LHFPL3: variants seen among roughly 807,000 people sequenced by gnomAD.
LHFPL3 encodes the protein LHFPL tetraspan subfamily member 3 protein.
LHFPL3 carries 5 observed loss-of-function variants against 19.3 expected under a neutral mutation model. That is an observed-to-expected ratio of 0.26 (90% CI 0.14 to 0.54). The LOEUF (loss-of-function observed/expected upper bound fraction) is 0.54, where lower values mean the gene tolerates loss of function less well. LHFPL3 is among the 20% of genes least tolerant of loss of function. The probability of loss-of-function intolerance (pLI) is 0.94; values close to 1 mark genes in which losing one functional copy is unlikely to be tolerated. For synonymous variants in LHFPL3, 133 were observed against 126.2 expected (o/e 1.05, Z -0.36); for missense variants, 249 against 307.4 (o/e 0.81, Z 1.42).
At chr7:104,722,462 T>C (rs961304338) in intron 1 of LHFPL3, among the ~76,000 whole-genome samples, 4 of 152,212 alleles carry the variant, frequency 2.6e-5, no homozygotes, top group African/African-American at 9.6e-5. Flanking sequence ...CCCATAAAAT[T>C]ACACTGTGTT....
At chr7:104,725,777 C>T (rs531101660) in intron 1 of LHFPL3, among the ~76,000 whole-genome samples, 75 of 152,150 alleles carry the variant, frequency 4.9e-4, no homozygotes, top group African/African-American at 1.7e-3. Flanking sequence ...CTCGGCAGGG[C>T]GCGGTGGCTT....
rs181071240 is a variant in LHFPL3, at chr7:104,403,187, G to A, written c.445+73963G>A. Among the ~76,000 whole-genome samples the A allele has an allele frequency of 5.6e-3, 849 of 152,244 alleles. 2 individuals are homozygous for A. Among genetic ancestry groups the A allele is most frequent in the African/African-American group, 0.02 (813 of 41,528 alleles). On this transcript the variant is annotated intron_variant, in intron 1 of 2. Coordinates refer to ENST00000424859, the MANE Select transcript of LHFPL3 (RefSeq NM_199000.3). The stretch of plus-strand genomic sequence containing the variant: ...TCACACATGTATCCCAGAACTTAAA[G>A]TATAATAAATAAATTTTAAAAAAGA...
intron 2 of LHFPL3, among the ~76,000 whole-genome samples, chr7:104,877,388 G>C (rs1231217229): frequency 6.6e-6 from 1 of 152,148 alleles, no homozygotes; most frequent in Non-Finnish European, 1.5e-5. Flanking sequence ...TCCAAAGTAT[G>C]TAAACAGCTT....
intron 1 of LHFPL3, among the ~76,000 whole-genome samples, chr7:104,444,273 C>T (rs1792283845): frequency 6.6e-6 from 1 of 152,196 alleles, no homozygotes; most frequent in South Asian, 2.1e-4. Context: ...GTGCACATCT[C>T]TGTAGAAAGC....
At chr7:104,526,829 T>A (rs1431746404) in intron 1 of LHFPL3, among the ~76,000 whole-genome samples, 1 of 152,160 alleles carries the variant, frequency 6.6e-6, no homozygotes, top group Admixed American at 6.6e-5. Flanking sequence ...GGGTACCTAT[T>A]AAATGAAAGA....
At chr7:104,874,644 G>A (rs999614101) in intron 2 of LHFPL3, among the ~76,000 whole-genome samples, 3 of 151,412 alleles carry the variant, frequency 2.0e-5, no homozygotes, top group African/African-American at 4.9e-5. Context: ...CCTGACCTCA[G>A]GTGATCTGCC....
chr7:104,343,846 T>A, intron 1 of LHFPL3, among the ~76,000 whole-genome samples: 1 of 152,120 alleles, frequency 6.6e-6, no homozygotes, highest in Non-Finnish European at 1.5e-5. Flanking sequence ...TTCTTGAGTC[T>A]TGAGTTTTGT....
intron 2 of LHFPL3, among the ~76,000 whole-genome samples, chr7:104,741,533 T>G (rs556830131): frequency 6.7e-6 from 1 of 148,438 alleles, no homozygotes; most frequent in East Asian, 2.0e-4. Context: ...CTAACTAACT[T>G]AATTTTTTTT....
At chr7:104,460,854 CT>C (rs2115569960) in intron 1 of LHFPL3, among the ~76,000 whole-genome samples, 1 of 152,218 alleles carries the variant, frequency 6.6e-6, no homozygotes, top group South Asian at 2.1e-4. Context: ...TAATTAGCTC[CT>C]GTTTGTCAAT....
chr7:104,670,000 A>C (rs1562962162), intron 1 of LHFPL3, among the ~76,000 whole-genome samples: 1 of 152,208 alleles, frequency 6.6e-6, no homozygotes, highest in Non-Finnish European at 1.5e-5. Flanking sequence ...GGCATATATG[A>C]ATTCTCAAAC....
rs1265671285 is a variant in LHFPL3 at position 104,822,523 on chromosome 7, C to T, written c.683-83664C>T. On this transcript the variant is annotated intron_variant, in intron 2 of 2. Coordinates refer to ENST00000424859, the MANE Select transcript of LHFPL3 (RefSeq NM_199000.3). ...GATGTTTGCCAACAGTCCTGGCCTC[C>T]CCCTACTAGAAGCCAGTAGCACCAC... Among the ~76,000 whole-genome samples the T allele has an allele frequency of 4.6e-5, 7 of 152,128 alleles. No homozygotes were observed. In the East Asian group the frequency reaches 1.2e-3, roughly 25 times the overall value.
At chr7:104,773,014 T>A (rs912000554) in intron 2 of LHFPL3, among the ~76,000 whole-genome samples, 8 of 152,248 alleles carry the variant, frequency 5.3e-5, no homozygotes, top group African/African-American at 7.2e-5. Flanking sequence ...TTTTAACCTA[T>A]TTATTAAAAT....
intron 1 of LHFPL3, among the ~76,000 whole-genome samples, chr7:104,403,060 G>A (rs534531719): frequency 1.3e-3 from 198 of 152,298 alleles, no homozygotes; most frequent in Non-Finnish European, 2.1e-3. Flanking sequence ...CTGTCAGGGG[G>A]TGATATACCT....
At chr7:104,446,698 C>A (rs1405650668) in intron 1 of LHFPL3, among the ~76,000 whole-genome samples, 1 of 152,110 alleles carries the variant, frequency 6.6e-6, no homozygotes, top group Non-Finnish European at 1.5e-5. Flanking sequence ...GCCTCAGCCT[C>A]CTGAGTAGCT....
intron 2 of LHFPL3, among the ~76,000 whole-genome samples, chr7:104,886,665 T>C (rs1196890549): frequency 6.6e-6 from 1 of 152,216 alleles, no homozygotes; most frequent in Non-Finnish European, 1.5e-5. Flanking sequence ...GCGCCCAGCC[T>C]CTTTTTACAT....
Position 104,372,997 on chromosome 7 carries a change from C to CAAAAAAA in LHFPL3, c.445+43778_445+43784dup, listed in dbSNP as rs58010609. Among the ~76,000 whole-genome samples the CAAAAAAA allele has an allele frequency of 4.0e-5, 5 of 126,434 alleles. 2 individuals carry two copies. Among genetic ancestry groups the CAAAAAAA allele is most frequent in the Non-Finnish European group, 6.5e-5 (4 of 61,170 alleles). 82.9% of individuals were successfully genotyped at this position (126,434 alleles called of 152,430 possible). Reference sequence around the variant, plus strand: ...CAAAGTTTTCCTGAGAGCTTCTTTACAAAAAAAAAAAGCAGTTCCCTGGGC... The same window carrying CAAAAAAA: ...CAAAGTTTTCCTGAGAGCTTCTTTACAAAAAAAAAAAAAAAAAAGCAGTTCCCTGGGC... On this transcript the variant is annotated intron_variant, in intron 1 of 2. Transcript: ENST00000424859.
chr7:104,872,909 A>G (rs1447537499), intron 2 of LHFPL3, among the ~76,000 whole-genome samples: 1 of 152,270 alleles, frequency 6.6e-6, no homozygotes, highest in African/African-American at 2.4e-5. Context: ...TACTATCAGT[A>G]TCAAGTATTA....
intron 2 of LHFPL3, among the ~76,000 whole-genome samples, chr7:104,746,216 G>A (rs1457842615): frequency 1.3e-5 from 2 of 152,154 alleles, no homozygotes; most frequent in Admixed American, 6.5e-5. Flanking sequence ...GGAGGCTGAG[G>A]CAGGAGAATC....
intron 2 of LHFPL3, among the ~76,000 whole-genome samples, chr7:104,811,214 A>G (rs1398458215): frequency 7.4e-6 from 1 of 135,418 alleles, no homozygotes. Context: ...TCTTTCTTTG[A>G]CACAGGGTCT....
Sources: gnomAD v4.1 joint callset for allele counts (sites outside exome capture counted in the v4.1 genomes callset) on GRCh38, gnomAD v4.1.1 for gene constraint, MANE v1.5 for transcripts, NCBI Gene and HGNC (gene_info 2026-07-23, HGNC 2026-07-21) for gene names.